SGCZ: variants seen among roughly 807,000 people sequenced by gnomAD.
SGCZ encodes the protein sarcoglycan zeta, also known as zeta-sarcoglycan.
SGCZ carries 40 observed loss-of-function variants against 41.3 expected under a neutral mutation model. The observed-to-expected ratio is 0.97, with a 90% CI of 0.75 to 1.26. The LOEUF (loss-of-function observed/expected upper bound fraction) is 1.26. SGCZ is among the 50% of genes most tolerant of loss of function. The pLI is 0.00. For missense variants in SGCZ, 552 were observed against 369.8 expected, an observed-to-expected ratio of 1.49 and a Z score of -4.04; for synonymous variants, 206 against 137.5, an observed-to-expected ratio of 1.50 and a Z score of -3.49.
intron 2 of SGCZ, among the ~76,000 whole-genome samples, chr8:14,464,458 C>T (rs1800990713): frequency 6.8e-6 from 1 of 147,428 alleles, no homozygotes; most frequent in Admixed American, 6.8e-5. Context: ...TCTCCACCCT[C>T]AATTCTGATT....
intron 1 of SGCZ, among the ~76,000 whole-genome samples, chr8:15,153,978 A>G (rs1799253289): frequency 6.6e-6 from 1 of 152,064 alleles, no homozygotes; most frequent in Non-Finnish European, 1.5e-5. Flanking sequence ...TCATAAGGAG[A>G]ATGCAACCTA....
At chr8:15,140,306 T>G (rs1014382038) in intron 1 of SGCZ, among the ~76,000 whole-genome samples, 3 of 152,194 alleles carry the variant, frequency 2.0e-5, no homozygotes, top group Admixed American at 1.3e-4. Context: ...ATAACAGGTA[T>G]GAGCCACCGT....
intron 4 of SGCZ, among the ~76,000 whole-genome samples, chr8:14,198,090 G>T (rs1283191928): frequency 6.6e-6 from 1 of 152,108 alleles, no homozygotes; most frequent in Non-Finnish European, 1.5e-5. Context: ...GTTATTAAAT[G>T]GAAAATTCCA....
At chr8:14,177,138 G>C (rs1320349132) in intron 4 of SGCZ, among the ~76,000 whole-genome samples, 1 of 152,170 alleles carries the variant, frequency 6.6e-6, no homozygotes, top group African/African-American at 2.4e-5. Context: ...GTGGGGTGGA[G>C]TTGCCTCGCT....
At chr8:15,094,650 ATGG>A (rs1229106363) in intron 1 of SGCZ, among the ~76,000 whole-genome samples, 1 of 152,164 alleles carries the variant, frequency 6.6e-6, no homozygotes, top group East Asian at 1.9e-4. Context: ...GAAGAGTGAT[ATGG>A]TTCAGTTCTT....
chr8:14,752,823 G>C (rs1402337934), intron 1 of SGCZ, among the ~76,000 whole-genome samples: 1 of 152,122 alleles, frequency 6.6e-6, no homozygotes, highest in African/African-American at 2.4e-5. Context: ...TGATGCTTTA[G>C]ATCTATTGGA....
chr8:15,215,028 C>G (rs1801354366), intron 1 of SGCZ, among the ~76,000 whole-genome samples: 1 of 152,128 alleles, frequency 6.6e-6, no homozygotes, highest in Non-Finnish European at 1.5e-5. Flanking sequence ...ATTAAATGAG[C>G]AGGATAGTTT....
At chr8:15,053,035 C>T (rs1804572399) in intron 1 of SGCZ, among the ~76,000 whole-genome samples, 1 of 152,176 alleles carries the variant, frequency 6.6e-6, no homozygotes, top group African/African-American at 2.4e-5. Flanking sequence ...ATCCAGCATT[C>T]CTCTGTAATA....
intron 1 of SGCZ, among the ~76,000 whole-genome samples, chr8:14,570,452 T>C (rs2117229514): frequency 6.6e-6 from 1 of 152,322 alleles, no homozygotes; most frequent in Admixed American, 6.5e-5. Context: ...AGTGGTTTAT[T>C]TATGCAAGGG....
chr8:14,322,107 G>A (rs533403294), intron 3 of SGCZ, among the ~76,000 whole-genome samples: 2 of 152,074 alleles, frequency 1.3e-5, no homozygotes, highest in South Asian at 4.1e-4. Context: ...AGCCACTGTG[G>A]AAGGCAGTCT....
intron 1 of SGCZ, among the ~76,000 whole-genome samples, chr8:14,623,786 T>C (rs1806361601): frequency 6.6e-6 from 1 of 152,184 alleles, no homozygotes; most frequent in Non-Finnish European, 1.5e-5. Context: ...ATTTCTCATG[T>C]AGAAAGTCAA....
At chr8:14,622,382 A>G (rs1806314780) in intron 1 of SGCZ, among the ~76,000 whole-genome samples, 1 of 152,056 alleles carries the variant, frequency 6.6e-6, no homozygotes, top group Non-Finnish European at 1.5e-5. Context: ...TTTTCCTGTA[A>G]TCTGGCCCAG....
At chr8:14,573,984 G>A (rs1003396283) in intron 1 of SGCZ, among the ~76,000 whole-genome samples, 1 of 152,102 alleles carries the variant, frequency 6.6e-6, no homozygotes, top group Non-Finnish European at 1.5e-5. Flanking sequence ...ACTACAGGGA[G>A]GGCTAGGGAG....
intron 2 of SGCZ, among the ~76,000 whole-genome samples, chr8:14,362,555 G>A (rs1424024097): frequency 6.6e-6 from 1 of 152,178 alleles, no homozygotes; most frequent in South Asian, 2.1e-4. Flanking sequence ...TGGGAAAAGC[G>A]CAGTATGTAG....
chr8:14,255,176 G>A (rs1018686455), intron 3 of SGCZ, among the ~76,000 whole-genome samples: 2 of 152,076 alleles, frequency 1.3e-5, no homozygotes, highest in Admixed American at 1.3e-4. Flanking sequence ...ATTCCTGGAA[G>A]ATTTCCTCTT....
chr8:14,329,361 C>T (rs1411504484), intron 2 of SGCZ, among the ~76,000 whole-genome samples: 1 of 151,990 alleles, frequency 6.6e-6, no homozygotes, highest in Non-Finnish European at 1.5e-5. Flanking sequence ...ACTATTGGAC[C>T]TGGTATATTT....
chr8:15,117,521 T>C (rs1034135229), intron 1 of SGCZ, among the ~76,000 whole-genome samples: 7 of 152,160 alleles, frequency 4.6e-5, no homozygotes, highest in Admixed American at 3.9e-4. Context: ...TCAAGCCTTA[T>C]GTCTGATCCT....
chr8:15,097,885 T>TGG (rs1806436256), intron 1 of SGCZ, among the ~76,000 whole-genome samples: 1 of 19,680 alleles, frequency 5.1e-5, no homozygotes, highest in African/African-American at 1.3e-4. Context: ...TATATATACG[T>TGG]GTGTATATAT....
At chr8:14,467,940 T>C (rs1257308636) in intron 2 of SGCZ, among the ~76,000 whole-genome samples, 1 of 152,048 alleles carries the variant, frequency 6.6e-6, no homozygotes, top group Non-Finnish European at 1.5e-5. Flanking sequence ...CATACTTAAA[T>C]ATTATTTTGA....
Sources: gnomAD v4.1 joint callset for allele counts (sites outside exome capture counted in the v4.1 genomes callset) on GRCh38, gnomAD v4.1.1 for gene constraint, MANE v1.5 for transcripts, NCBI Gene and HGNC (gene_info 2026-07-23, HGNC 2026-07-21) for gene names.